The following IMMP2L variants were observed in gnomAD, a reference collection of about 807,000 sequenced individuals.
IMMP2L encodes the protein inner mitochondrial membrane peptidase subunit 2.
In IMMP2L, 18 loss-of-function variants were observed where a neutral mutation model predicts 19.3. The ratio of observed to expected loss-of-function variants is 0.93; its 90% CI spans 0.64 to 1.38. IMMP2L has a LOEUF of 1.38. Among genes scored for constraint, IMMP2L ranks in the 40% most tolerant of loss-of-function variants. The pLI, the probability that IMMP2L is intolerant of heterozygous loss-of-function variation, is 0.00. For synonymous variants in IMMP2L, 76 were observed against 73.0 expected (o/e 1.04, Z -0.21); for missense variants, 233 against 218.2 (o/e 1.07, Z -0.43).
At chr7:111,434,518 GT>G (rs902016933) in intron 3 of IMMP2L, among the ~76,000 whole-genome samples, 1 of 149,984 alleles carries the variant, frequency 6.7e-6, no homozygotes, top group Non-Finnish European at 1.5e-5. Context: ...TTTTCTTTTT[GT>G]TTTTTTGTCT....
At chr7:111,150,724 T>G (rs1037095054) in intron 3 of IMMP2L, among the ~76,000 whole-genome samples, 3 of 152,236 alleles carry the variant, frequency 2.0e-5, no homozygotes, top group African/African-American at 7.2e-5. Context: ...TATACATATG[T>G]ATATATTCAC....
chr7:110,996,810 A>G (rs1823082840), intron 3 of IMMP2L, among the ~76,000 whole-genome samples: 1 of 152,100 alleles, frequency 6.6e-6, no homozygotes, highest in Non-Finnish European at 1.5e-5. Flanking sequence ...GTAGTACAAC[A>G]TCACACCCAG....
At position 111,534,672 on chromosome 7, in the gene IMMP2L, T is replaced by C. The variant is rs545409293; in HGVS notation, c.-2-13223A>G. ...ATTTCTTAATGTAAATTAGCTCATA[T>C]ATAGGAAAATGACGTCAGTCTTATG... On this transcript the variant is annotated intron_variant, in intron 1 of 5. Transcript: ENST00000405709. Among the ~76,000 whole-genome samples the C allele has an allele frequency of 1.6e-4, 24 of 152,308 alleles. No individual in the cohort carries two copies. The South Asian group carries it at 4.4e-3, about 28-fold the overall frequency.
intron 3 of IMMP2L, among the ~76,000 whole-genome samples, chr7:111,035,817 C>T (rs1014950686): frequency 1.3e-5 from 2 of 152,112 alleles, no homozygotes; most frequent in African/African-American, 4.8e-5. Flanking sequence ...TAACCCCTTT[C>T]CTAAATGGAA....
At chr7:111,049,647 T>G (rs962320721) in intron 3 of IMMP2L, among the ~76,000 whole-genome samples, 2 of 152,178 alleles carry the variant, frequency 1.3e-5, no homozygotes, top group Non-Finnish European at 2.9e-5. Context: ...AACAGAATAT[T>G]AAATTGGCTC....
chr7:111,081,869 C>G (rs1474972503), intron 3 of IMMP2L, among the ~76,000 whole-genome samples: 1 of 152,122 alleles, frequency 6.6e-6, no homozygotes, highest in Non-Finnish European at 1.5e-5. Context: ...AAAGAATATA[C>G]TGTAATGAAA....
chr7:110,686,209 TGCAAAAG>T (rs1385386433), intron 5 of IMMP2L, among the ~76,000 whole-genome samples: 6 of 152,098 alleles, frequency 3.9e-5, no homozygotes, highest in Non-Finnish European at 8.8e-5. Context: ...AAGTCTTCTC[TGCAAAAG>T]ATAAGTAGCT....
intron 5 of IMMP2L, 121 bp downstream of exon 5, chr7:110,886,472 C>T (rs2129545517): frequency 1.6e-6 from 1 of 627,102 alleles, no homozygotes; most frequent in Admixed American, 2.7e-5. Flanking sequence ...CAAACATAAA[C>T]TATTCCAGTA....
chr7:110,977,417 C>G (rs76971904), intron 3 of IMMP2L, among the ~76,000 whole-genome samples: 1,702 of 152,060 alleles, frequency 0.011, 9 homozygotes, highest in Non-Finnish European at 0.018. Flanking sequence ...CGAGCATCTG[C>G]TTTAGATAGA....
chr7:111,269,650 T>TAA (rs202047841), intron 3 of IMMP2L, among the ~76,000 whole-genome samples: 1 of 151,042 alleles, frequency 6.6e-6, no homozygotes, highest in African/African-American at 2.4e-5. Context: ...CAGTTTTTTT[T>TAA]AAAAAAAAAC....
intron 3 of IMMP2L, among the ~76,000 whole-genome samples, chr7:111,407,977 C>G (rs112292157): frequency 6.6e-6 from 1 of 151,874 alleles, no homozygotes; most frequent in South Asian, 2.1e-4. Context: ...CACAATCCTA[C>G]GAAGCAGGAA....
At chr7:111,347,019 C>T (rs1310566222) in intron 3 of IMMP2L, among the ~76,000 whole-genome samples, 5 of 151,798 alleles carry the variant, frequency 3.3e-5, no homozygotes, top group Admixed American at 3.3e-4. Flanking sequence ...TCACTAATCA[C>T]TAATGTGATT....
chr7:110,817,890 TG>T (rs1802675962), intron 5 of IMMP2L, among the ~76,000 whole-genome samples: 1 of 152,156 alleles, frequency 6.6e-6, no homozygotes, highest in Admixed American at 6.6e-5. Flanking sequence ...TAAATGGTGC[TG>T]CGAAAACTGG....
intron 3 of IMMP2L, among the ~76,000 whole-genome samples, chr7:111,191,851 T>G (rs1808913400): frequency 6.6e-6 from 1 of 152,056 alleles, no homozygotes; most frequent in Admixed American, 6.6e-5. Flanking sequence ...TAAGGATAAG[T>G]CCATTTATTC....
At chr7:111,420,468 A>T (rs1835385922) in intron 3 of IMMP2L, among the ~76,000 whole-genome samples, 1 of 151,850 alleles carries the variant, frequency 6.6e-6, no homozygotes, top group Non-Finnish European at 1.5e-5. Context: ...CAGGTTTGAT[A>T]CATAACTATG....
rs764690946 is a variant in IMMP2L, at chr7:110,852,031, G to A, written c.408+34562C>T. 7.7e-4 allele frequency among the ~76,000 whole-genome samples: 117 copies of A among 152,180 alleles called. 2 individuals are homozygous for A. The highest frequency in any genetic ancestry group is 6.8e-3 in the Middle Eastern group (2 of 294). ...GACTGCTGAGGCTGTAATACAAAAG[G>A]TGATACAGCTTCCACTTCGCTCTGA... On this transcript the variant is annotated intron_variant, in intron 5 of 5. Transcript: ENST00000405709.
At chr7:111,075,747 A>G (rs10953680) in intron 3 of IMMP2L, among the ~76,000 whole-genome samples, 151,698 of 152,200 alleles carry the variant, frequency 1, 75,600 homozygotes, top group Middle Eastern at 1. Flanking sequence ...CCACGTTGTC[A>G]CATCTAAAGA....
intron 3 of IMMP2L, among the ~76,000 whole-genome samples, chr7:111,057,873 T>G (rs1289020945): frequency 6.6e-6 from 1 of 152,212 alleles, no homozygotes; most frequent in East Asian, 1.9e-4. Flanking sequence ...AACATTCTTG[T>G]TCATGAGGAA....
chr7:111,264,814 G>A (rs574166334), intron 3 of IMMP2L, among the ~76,000 whole-genome samples: 111 of 151,822 alleles, frequency 7.3e-4, no homozygotes, highest in South Asian at 4.4e-3. Context: ...GTGGATAAAG[G>A]GCTAAATCTC....
Sources: gnomAD v4.1 joint callset for allele counts (sites outside exome capture counted in the v4.1 genomes callset) on GRCh38, gnomAD v4.1.1 for gene constraint, MANE v1.5 for transcripts, NCBI Gene and HGNC (gene_info 2026-07-23, HGNC 2026-07-21) for gene names.